Variants in FSTL5 observed in about 807,000 individuals in gnomAD.
FSTL5 encodes the protein follistatin-related protein 5.
A neutral mutation model predicts 89.1 loss-of-function variants in FSTL5; 62 were observed. The ratio of observed to expected loss-of-function variants is 0.70; its 90% CI spans 0.57 to 0.86. The LOEUF (loss-of-function observed/expected upper bound fraction) is 0.86, where lower values mean the gene tolerates loss of function less well. Ranked by LOEUF, FSTL5 falls within the 40% of genes least tolerant of loss-of-function variation. The probability of loss-of-function intolerance (pLI) is 0.00; values close to 1 mark genes in which losing one functional copy is unlikely to be tolerated. For missense variants in FSTL5, 1,057 were observed against 1,001.6 expected (o/e 1.06, Z -0.75); for synonymous variants, 383 against 346.2 (o/e 1.11, Z -1.18).
chr4:162,097,423 T>C (rs1730810296), intron 2 of FSTL5, among the ~76,000 whole-genome samples: 1 of 151,882 alleles, frequency 6.6e-6, no homozygotes, highest in Non-Finnish European at 1.5e-5. Context: ...GTTATAACTT[T>C]CAATTATTTT....
chr4:161,730,469 T>G (rs1449040002), intron 6 of FSTL5, among the ~76,000 whole-genome samples: 1 of 152,038 alleles, frequency 6.6e-6, no homozygotes, highest in East Asian at 1.9e-4. Context: ...TTAAAATTAT[T>G]TTTAATTTTA....
At chr4:161,542,982 A>G (rs376132342) in intron 8 of FSTL5, among the ~76,000 whole-genome samples, 29 of 152,118 alleles carry the variant, frequency 1.9e-4, no homozygotes, top group African/African-American at 7.0e-4. Flanking sequence ...AAAAGGATAC[A>G]GAAACCAGTT....
At chr4:161,995,387 G>A (rs1736258701) in intron 3 of FSTL5, among the ~76,000 whole-genome samples, 2 of 152,236 alleles carry the variant, frequency 1.3e-5, no homozygotes, top group Non-Finnish European at 1.5e-5. Context: ...AATGGAATCA[G>A]AATTCCAAAC....
At chr4:161,499,060 G>C (rs1440763340) in intron 12 of FSTL5, among the ~76,000 whole-genome samples, 2 of 152,010 alleles carry the variant, frequency 1.3e-5, no homozygotes, top group South Asian at 4.1e-4. Flanking sequence ...AAATTAGCTG[G>C]GCTTGGAGGC....
At chr4:161,738,097 T>C (rs904008698) in intron 6 of FSTL5, among the ~76,000 whole-genome samples, 1 of 152,086 alleles carries the variant, frequency 6.6e-6, no homozygotes. Context: ...TATTGTCTAA[T>C]AGTAATTATG....
intron 3 of FSTL5, among the ~76,000 whole-genome samples, chr4:161,960,337 T>C (rs1220346552): frequency 6.6e-6 from 1 of 151,716 alleles, no homozygotes; most frequent in Non-Finnish European, 1.5e-5. Context: ...CAGCTAATTT[T>C]TTTTTTAAAT....
chr4:161,434,025 C>T (rs1297455568), intron 15 of FSTL5, among the ~76,000 whole-genome samples: 1 of 152,088 alleles, frequency 6.6e-6, no homozygotes, highest in East Asian at 1.9e-4. Context: ...ATACCAATGA[C>T]ATTCTTCTCG....
intron 9 of FSTL5, among the ~76,000 whole-genome samples, chr4:161,539,997 T>G (rs1731763677): frequency 6.6e-6 from 1 of 151,968 alleles, no homozygotes; most frequent in Admixed American, 6.6e-5. Context: ...CTTCTTTAAA[T>G]GCTGTCTCCC....
chr4:161,663,619 G>C (rs952026849), intron 6 of FSTL5, among the ~76,000 whole-genome samples: 2 of 152,146 alleles, frequency 1.3e-5, no homozygotes, highest in African/African-American at 4.8e-5. Flanking sequence ...TCACAGGCTG[G>C]TATTGAATGT....
chr4:161,641,918 C>T (rs1735981301), intron 7 of FSTL5, among the ~76,000 whole-genome samples: 1 of 151,934 alleles, frequency 6.6e-6, no homozygotes, highest in Non-Finnish European at 1.5e-5. Flanking sequence ...ATATCAACTA[C>T]CCACAAAGAC....
intron 8 of FSTL5, among the ~76,000 whole-genome samples, chr4:161,546,152 C>A (rs1010509632): frequency 2.0e-5 from 3 of 149,990 alleles, no homozygotes; most frequent in Admixed American, 6.7e-5. Context: ...AGAAGAAAGG[C>A]GATAATAGAA....
chr4:162,123,892 G>A (rs1008260860), intron 1 of FSTL5, among the ~76,000 whole-genome samples: 4 of 151,310 alleles, frequency 2.6e-5, no homozygotes, highest in African/African-American at 7.3e-5. Flanking sequence ...GAAGAAAGGT[G>A]AAAAGAAAGC....
chr4:161,386,050 G>C lies in FSTL5; in HGVS notation c.2241C>G (p.Ser747=), dbSNP rs1292640381. 4 of 1,614,042 alleles carry C rather than the reference G, an allele frequency of 2.5e-6. No homozygotes were observed. The Admixed American group carries it at 5.0e-5, about 20-fold the overall frequency. ...LHISDLAFQP[S]FTEAHQYNIY... Reference sequence around the variant, plus strand: ...TGTTATATTGGTGGGCTTCAGTAAAGGATGGTTGAAATGCCAGATCAGATA... The same window carrying C: ...TGTTATATTGGTGGGCTTCAGTAAACGATGGTTGAAATGCCAGATCAGATA... The change falls in exon 16 of 16, where the codon TCC becomes TCG. Residue 747 remains serine (S), a synonymous_variant. Coordinates refer to ENST00000306100, the MANE Select transcript of FSTL5 (RefSeq NM_020116.5).
rs185659920 is a variant in FSTL5, at chr4:161,981,481, T to A, written c.160+52144A>T. On this transcript the variant is annotated intron_variant, in intron 3 of 15. Coordinates refer to ENST00000306100, the MANE Select transcript of FSTL5 (RefSeq NM_020116.5). ...ATTTTCACCATTTCATGACCTTAAT[T>A]CTGGAGGTGTCGGTAACTGGTGTAA... Among the ~76,000 whole-genome samples, 23 of 152,308 alleles carry A rather than the reference T, an allele frequency of 1.5e-4. 1 individual carries two copies. The East Asian group carries it at 4.3e-3, about 28-fold the overall frequency.
intron 4 of FSTL5, among the ~76,000 whole-genome samples, chr4:161,885,975 T>C (rs550349618): frequency 6.8e-4 from 103 of 152,116 alleles, no homozygotes; most frequent in Non-Finnish European, 9.4e-4. Context: ...GACAGCAGAC[T>C]TAACTAGATC....
Position 161,941,646 on chromosome 4 carries a change from TGAA to T in FSTL5, c.161-20997_161-20995del, listed in dbSNP as rs1212603098. Among the ~76,000 whole-genome samples, 5 of 152,028 alleles carry T rather than the reference TGAA, an allele frequency of 3.3e-5. No individual in the cohort carries two copies. The South Asian group carries it at 8.3e-4, about 25-fold the overall frequency. On this transcript the variant is annotated intron_variant, in intron 3 of 15. Transcript: ENST00000306100. Reference sequence around the variant, plus strand: ...CCAAATCTCAGAGCCCTAAACTACATGAAGGGACCTTGGCAGCATTGAAGACAG... The same window carrying T: ...CCAAATCTCAGAGCCCTAAACTACATGGGACCTTGGCAGCATTGAAGACAG...
chr4:162,158,442 A>G (rs1248566282), intron 1 of FSTL5, among the ~76,000 whole-genome samples: 2 of 152,132 alleles, frequency 1.3e-5, no homozygotes, highest in Non-Finnish European at 2.9e-5. Flanking sequence ...GCTATAAAAT[A>G]ATTTCAATGA....
At chr4:161,513,820 T>C (rs1407900688) in intron 10 of FSTL5, among the ~76,000 whole-genome samples, 1 of 152,002 alleles carries the variant, frequency 6.6e-6, no homozygotes, top group Non-Finnish European at 1.5e-5. Flanking sequence ...GAGAACACAC[T>C]GAGGCCTGTT....
chr4:161,665,484 C>T (rs983147606), intron 6 of FSTL5, among the ~76,000 whole-genome samples: 7 of 152,110 alleles, frequency 4.6e-5, no homozygotes, highest in African/African-American at 1.7e-4. Context: ...CTCCCCGCCT[C>T]GGCCTCCCAA....
Sources: gnomAD v4.1 joint callset for allele counts (sites outside exome capture counted in the v4.1 genomes callset) on GRCh38, gnomAD v4.1.1 for gene constraint, MANE v1.5 for transcripts, NCBI Gene and HGNC (gene_info 2026-07-23, HGNC 2026-07-21) for gene names.